The following XYLB variants were observed in gnomAD, a reference collection of about 807,000 sequenced individuals.
XYLB encodes xylulose kinase.
In XYLB, 62 loss-of-function variants were observed where a neutral mutation model predicts 78.7. The ratio of observed to expected loss-of-function variants is 0.79; its 90% confidence interval spans 0.64 to 0.97. The LOEUF (loss-of-function observed/expected upper bound fraction) is 0.97. Among genes scored for constraint, XYLB ranks in the 50% least tolerant of loss-of-function variants. The probability of loss-of-function intolerance (pLI) is 0.00; values close to 1 mark genes in which losing one functional copy is unlikely to be tolerated. For synonymous variants in XYLB, 245 were observed against 247.4 expected (o/e 0.99, Z 0.09); for missense variants, 687 against 676.8 (o/e 1.02, Z -0.17).
intron 2 of XYLB, among the ~76,000 whole-genome samples, chr3:38,355,369 A>G (rs1705592825): frequency 6.6e-6 from 1 of 152,250 alleles, no homozygotes; most frequent in Non-Finnish European, 1.5e-5. Context: ...AGCCCAGCTG[A>G]GCCCCATCCA....
chr3:38,381,946 G>A (rs932011349), intron 15 of XYLB, among the ~76,000 whole-genome samples: 6 of 151,956 alleles, frequency 3.9e-5, no homozygotes, highest in African/African-American at 9.7e-5. Flanking sequence ...ACACCTATTC[G>A]CACACTCCCT....
the XYLB span, chr3:38,452,832 A>C: frequency 3.9e-5 from 6 of 152,206 alleles, no homozygotes; most frequent in African/African-American, 1.4e-4. Flanking sequence ...GCATATGGGA[A>C]AACTGAGGCT....
At chr3:38,372,826 C>T in intron 10 of XYLB, 90 bp downstream of exon 10, 1 of 1,429,442 alleles carries the variant, frequency 7.0e-7, no homozygotes, top group South Asian at 1.2e-5. Context: ...CTTGGTGAAA[C>T]CTTCTGTGGT....
intron 15 of XYLB, among the ~76,000 whole-genome samples, chr3:38,383,748 G>A (rs901209342): frequency 1.3e-5 from 2 of 152,136 alleles, no homozygotes; most frequent in African/African-American, 2.4e-5. Context: ...AGCTGTGATT[G>A]CACCACTTCA....
Position 38,376,207 on chromosome 3 carries a change from A to C in XYLB, c.1095A>C (p.Thr365=), listed in dbSNP as rs1239086288. ...WSDFSKALQS[T]EMGNGGNLGF... Reference sequence around the variant, plus strand: ...ATTTCTCTAAGGCACTGCAGTCCACAGAGATGGGCAACGGTGGAAACCTGG... The same window carrying C: ...ATTTCTCTAAGGCACTGCAGTCCACCGAGATGGGCAACGGTGGAAACCTGG... Residue 365 remains threonine, a synonymous_variant, in exon 13 of 19, where the codon ACA becomes ACC. Coordinates refer to ENST00000207870, the MANE Select transcript of XYLB (RefSeq NM_005108.4). The C allele has an allele frequency of 1.2e-6, 2 of 1,613,760 alleles. No individual in the cohort carries two copies. Among genetic ancestry groups the C allele is most frequent in the Admixed American group, 3.3e-5 (2 of 60,032 alleles).
chr3:38,448,328 G>A, the XYLB span, among the ~76,000 whole-genome samples: 3 of 152,082 alleles, frequency 2.0e-5, no homozygotes, highest in Admixed American at 1.3e-4. Flanking sequence ...TGAGTAGGGT[G>A]ACTATATTTA....
Position 38,366,808 on chromosome 3 carries a change from C to G in XYLB, c.508C>G (p.Arg170Gly). ...CTAAGAATTTATATTCCTTTTCCAG[C>G]GTTTTACAGGGAACCAAATTGCAAA... ...SCLTGSRAYE[R>G]FTGNQIAKIY... The change falls in exon 7 of 19, where the codon CGT becomes GGT. Residue 170 changes from arginine (R) to glycine (G), a missense_variant and splice_region_variant. Arg to Gly is a moderately radical substitution (Grantham distance 125, BLOSUM62 -2). Coordinates refer to ENST00000207870, the MANE Select transcript of XYLB (RefSeq NM_005108.4). 1 of 1,608,354 alleles carries G rather than the reference C, an allele frequency of 6.2e-7. No individual in the cohort carries two copies. The highest frequency in any genetic ancestry group is 1.3e-5 in the African/African-American group (1 of 74,916).
At chr3:38,436,671 A>T in the XYLB span, among the ~76,000 whole-genome samples, 1 of 152,150 alleles carries the variant, frequency 6.6e-6, no homozygotes, top group Admixed American at 6.5e-5. Context: ...ATTCCTCAAC[A>T]AAATACTAGC....
At chr3:38,424,831 T>C (rs1024715279), downstream of XYLB, among the ~76,000 whole-genome samples, 1 of 152,208 alleles carries the variant, frequency 6.6e-6, no homozygotes, top group Non-Finnish European at 1.5e-5. Context: ...ATGCACCCTT[T>C]TTACATAACT....
chr3:38,351,330 T>C (rs989476100), intron 2 of XYLB, among the ~76,000 whole-genome samples: 1 of 151,856 alleles, frequency 6.6e-6, no homozygotes, highest in African/African-American at 2.4e-5. Context: ...TAAAATTTCC[T>C]CTCCCTCACT....
chr3:38,401,846 A>G (rs1172614724), intron 18 of XYLB, among the ~76,000 whole-genome samples: 4 of 152,244 alleles, frequency 2.6e-5, no homozygotes, highest in Non-Finnish European at 2.9e-5. Context: ...CACTGCACCT[A>G]TTTACAGAAG....
chr3:38,437,680 A>C, the XYLB span, among the ~76,000 whole-genome samples: 1 of 152,126 alleles, frequency 6.6e-6, no homozygotes, highest in African/African-American at 2.4e-5. Flanking sequence ...GTAGTGGCTC[A>C]TGCCTGTAAT....
At chr3:38,417,155 G>T (rs920907025), downstream of XYLB, among the ~76,000 whole-genome samples, 1 of 152,230 alleles carries the variant, frequency 6.6e-6, no homozygotes, top group East Asian at 1.9e-4. Flanking sequence ...ATTACTCTAG[G>T]GCAAGCGTGA....
chr3:38,419,583 T>TAC (rs1708909200), downstream of XYLB, among the ~76,000 whole-genome samples: 1 of 111,978 alleles, frequency 8.9e-6, no homozygotes, highest in Admixed American at 9.9e-5. Context: ...TTTCTTTATA[T>TAC]ATATATATAT....
At chr3:38,379,940 A>G (rs533411544) in intron 15 of XYLB, among the ~76,000 whole-genome samples, 1 of 152,214 alleles carries the variant, frequency 6.6e-6, no homozygotes, top group Non-Finnish European at 1.5e-5. Flanking sequence ...TTGAGGGGCC[A>G]TATCTGAAGA....
intron 9 of XYLB, among the ~76,000 whole-genome samples, chr3:38,371,799 G>A (rs1255771017): frequency 1.3e-5 from 2 of 152,218 alleles, no homozygotes; most frequent in Non-Finnish European, 2.9e-5. Context: ...GCCAGTGCAT[G>A]GAGCTGAAGG....
chr3:38,373,893 C>T (rs962622873), intron 10 of XYLB, among the ~76,000 whole-genome samples: 8 of 152,108 alleles, frequency 5.3e-5, no homozygotes, highest in African/African-American at 1.9e-4. Context: ...GTAGTGTGCA[C>T]CTGTAGTCTT....
chr3:38,417,613 A>G (rs1708838897), downstream of XYLB, among the ~76,000 whole-genome samples: 1 of 152,116 alleles, frequency 6.6e-6, no homozygotes, highest in Non-Finnish European at 1.5e-5. Context: ...CAGGCATAGT[A>G]GCTCATGCCT....
At position 38,413,010 on chromosome 3, in the gene XYLB, G is replaced by A; in HGVS notation, c.1608G>A (p.Glu536=). The part of the protein sequence containing the change: ...RILSQTRGPP[E] ...TGTCTCAGACCCGGGGGCCTCCGGA[G>A]TGAACAGGCATCCCTGTTGCCCCTG... The change falls in exon 19 of 19, where the codon GAG becomes GAA. Residue 536 remains glutamate, a synonymous_variant. Coordinates refer to ENST00000207870, the MANE Select transcript of XYLB (RefSeq NM_005108.4). The A allele has an allele frequency of 1.2e-6, 2 of 1,600,064 alleles. No homozygotes were observed. Among genetic ancestry groups the A allele is most frequent in the South Asian group, 2.3e-5 (2 of 88,250 alleles).
Sources: gnomAD v4.1 joint callset for allele counts (sites outside exome capture counted in the v4.1 genomes callset) on GRCh38, gnomAD v4.1.1 for gene constraint, MANE v1.5 for transcripts, NCBI Gene and HGNC (gene_info 2026-07-23, HGNC 2026-07-21) for gene names.